The following CANX variants were observed in gnomAD, a reference collection of about 807,000 sequenced individuals.
CANX encodes epididymis secretory sperm binding protein.
CANX carries 14 observed loss-of-function variants against 75.7 expected under a neutral mutation model. That is an observed-to-expected ratio of 0.19 (90% CI 0.12 to 0.29). The LOEUF is 0.29. Ranked by LOEUF, CANX falls within the 10% of genes least tolerant of loss-of-function variation. The pLI is 1.00. For synonymous variants in CANX, 227 were observed against 236.9 expected (o/e 0.96, Z 0.38); for missense variants, 567 against 713.2 (o/e 0.79, Z 2.34).
chr5:179,697,358 C>T (rs1403481678), upstream of CANX, among the ~76,000 whole-genome samples: 1 of 152,200 alleles, frequency 6.6e-6, no homozygotes, highest in East Asian at 1.9e-4. Context: ...CCACCTCGCC[C>T]AGCCAATTCT....
At chr5:179,710,442 TCA>T (rs1371874328) in intron 7 of CANX, among the ~76,000 whole-genome samples, 1 of 147,006 alleles carries the variant, frequency 6.8e-6, no homozygotes, top group African/African-American at 2.5e-5. Context: ...GCGCGGTGGC[TCA>T]CACCTGTAAT....
At chr5:179,679,227 CG>C in intron 1 of CANX, 1 of 1,532,886 alleles carries the variant, frequency 6.5e-7, no homozygotes, top group African/African-American at 1.4e-5. Flanking sequence ...CTCGGGAGCC[CG>C]GATGTCCAGA....
At chr5:179,710,595 C>T (rs1451870304) in intron 7 of CANX, among the ~76,000 whole-genome samples, 2 of 148,064 alleles carry the variant, frequency 1.4e-5, no homozygotes, top group Non-Finnish European at 3.0e-5. Flanking sequence ...GTAGTCGCAG[C>T]TACTTGGGAG....
intron 1 of CANX, chr5:179,678,932 AGGC>A (rs2127760325): frequency 6.5e-7 from 1 of 1,535,164 alleles, no homozygotes; most frequent in South Asian, 1.2e-5. Flanking sequence ...CTGGTTGCTG[AGGC>A]GCATGCACGG....
upstream of CANX, chr5:179,694,786 C>CAAAAA: frequency 7.7e-6 from 3 of 389,872 alleles, no homozygotes; most frequent in Non-Finnish European, 1.4e-5. Context: ...GTTTATCTGT[C>CAAAAA]AAAAAAAAAA....
intron 1 of CANX, among the ~76,000 whole-genome samples, chr5:179,679,720 G>C (rs963192921): frequency 6.6e-6 from 1 of 151,894 alleles, no homozygotes; most frequent in Non-Finnish European, 1.5e-5. Flanking sequence ...GTGCAATTGC[G>C]CGATCTTGGC....
chr5:179,680,507 G>A (rs969950273), intron 1 of CANX, among the ~76,000 whole-genome samples: 3 of 152,136 alleles, frequency 2.0e-5, no homozygotes, highest in Admixed American at 2.0e-4. Flanking sequence ...CCACAGTCCA[G>A]TGTGTTCACT....
chr5:179,711,664 C>T (rs896428922), intron 7 of CANX, among the ~76,000 whole-genome samples: 1 of 151,020 alleles, frequency 6.6e-6, no homozygotes, highest in Non-Finnish European at 1.5e-5. Context: ...TGGAGGGTGC[C>T]TGTAATCCCA....
Position 179,729,083 on chromosome 5 carries a change from G to A in CANX, c.*439G>A, listed in dbSNP as rs1041250887. The A allele has an allele frequency of 4.3e-6, 1 of 230,006 alleles. No individual in the cohort carries two copies. The highest frequency in any genetic ancestry group is 4.6e-5 in the South Asian group (1 of 21,844). 14.2% of individuals were successfully genotyped at this position (230,006 alleles called of 1,614,324 possible). On this transcript the variant is annotated 3_prime_UTR_variant, in exon 15 of 15. Transcript: ENST00000247461. ...TAGATTTTTTTTAAAGTTTGGTATT[G>A]TAAAACATTCACACCTCTGTCCCTC... is the stretch of plus-strand genomic sequence containing the variant.
rs1234998984 is a variant in CANX at position 179,725,945 on chromosome 5, G to A, written c.1646-735G>A. Among the ~76,000 whole-genome samples, 22 of 147,662 alleles carry A rather than the reference G, an allele frequency of 1.5e-4. No individual in the cohort carries two copies. The South Asian group carries it at 2.1e-3, about 14-fold the overall frequency. On this transcript the variant is annotated intron_variant, in intron 13 of 14. Coordinates refer to ENST00000247461, the MANE Select transcript of CANX (RefSeq NM_001746.4). ...AGAGGTTGCAGTGAGCCGAGATTGC[G>A]CCACTGCACTCCAGCCTGGCGACAG...
intron 1 of CANX, among the ~76,000 whole-genome samples, chr5:179,683,242 C>T (rs1210017279): frequency 6.6e-6 from 1 of 152,154 alleles, no homozygotes; most frequent in Non-Finnish European, 1.5e-5. Context: ...ATTCTCCTGC[C>T]TCAGCCTCTC....
intron 8 of CANX, among the ~76,000 whole-genome samples, chr5:179,719,029 C>T (rs1313456391): frequency 1.3e-5 from 2 of 151,814 alleles, no homozygotes; most frequent in Non-Finnish European, 2.9e-5. Flanking sequence ...GGTGTGGCCT[C>T]AAGTGATCCT....
intron 1 of CANX, among the ~76,000 whole-genome samples, chr5:179,688,139 C>T (rs1441582428): frequency 1.4e-5 from 2 of 144,760 alleles, no homozygotes; most frequent in Admixed American, 1.4e-4. Flanking sequence ...CTCACTGCAA[C>T]CTCCACCTCC....
intron 1 of CANX, among the ~76,000 whole-genome samples, chr5:179,682,709 CAAA>C (rs11461581): frequency 6.1e-5 from 6 of 97,924 alleles, no homozygotes; most frequent in South Asian, 7.9e-4. Context: ...GACTCTGTCT[CAAA>C]AAAAAAAAAA....
intron 7 of CANX, among the ~76,000 whole-genome samples, chr5:179,714,395 C>A (rs1051295706): frequency 2.6e-5 from 4 of 152,206 alleles, no homozygotes; most frequent in Non-Finnish European, 5.9e-5. Flanking sequence ...TCAATAAAAA[C>A]ATACACAAAG....
At chr5:179,724,352 T>C (rs1778509594) in intron 12 of CANX, among the ~76,000 whole-genome samples, 1 of 152,198 alleles carries the variant, frequency 6.6e-6, no homozygotes, top group South Asian at 2.1e-4. Flanking sequence ...GGATCCCAAG[T>C]TCCTTTTCCA....
At chr5:179,715,216 C>T (rs1375181096) in intron 7 of CANX, among the ~76,000 whole-genome samples, 2 of 152,152 alleles carry the variant, frequency 1.3e-5, no homozygotes, top group African/African-American at 2.4e-5. Flanking sequence ...CTTTAATATA[C>T]ATCACACTTA....
chr5:179,726,576 C>CAAA (rs869102481), intron 13 of CANX, 104 bp from the exon 14 acceptor site: 1,140 of 513,482 alleles, frequency 2.2e-3, no homozygotes, highest in South Asian at 2.4e-3. Context: ...ACTCTGTCTC[C>CAAA]AAAAAAAAAA....
At chr5:179,716,788 G>A (rs915346451) in intron 8 of CANX, among the ~76,000 whole-genome samples, 1 of 152,146 alleles carries the variant, frequency 6.6e-6, no homozygotes, top group Admixed American at 6.5e-5. Context: ...GGTATCGTAA[G>A]GGTTCATGAG....
Sources: gnomAD v4.1 joint callset for allele counts (sites outside exome capture counted in the v4.1 genomes callset) on GRCh38, gnomAD v4.1.1 for gene constraint, MANE v1.5 for transcripts, NCBI Gene and HGNC (gene_info 2026-07-23, HGNC 2026-07-21) for gene names.